PLCG2: variants seen among roughly 807,000 people sequenced by gnomAD.
PLCG2 encodes the protein phospholipase C gamma 2, also known as 1-phosphatidylinositol 4,5-bisphosphate phosphodiesterase gamma-2.
In PLCG2, 69 loss-of-function variants were observed where a neutral mutation model predicts 175.6. The observed-to-expected ratio is 0.39, with a 90% CI of 0.32 to 0.48. PLCG2 has a LOEUF of 0.48. Among genes scored for constraint, PLCG2 ranks in the 20% least tolerant of loss-of-function variants. PLCG2 has a pLI of 0.91. For missense variants in PLCG2, 1,798 were observed against 1,650.9 expected, an observed-to-expected ratio of 1.09 and a Z score of -1.54; for synonymous variants, 827 against 624.0, an observed-to-expected ratio of 1.33 and a Z score of -4.85.
rs143248102 is a variant in PLCG2, at chr16:81,905,612, T to TTAG, written c.1467+107_1467+109dup. On this transcript the variant is annotated intron_variant, in intron 15 of 32. Transcript: ENST00000564138. Reference sequence around the variant, plus strand: ...GAATACGCCTGTCTTGTTCCCATTTTTAGTCAAGTGAGTTTTTGCCATGTG... The same window carrying TTAG: ...GAATACGCCTGTCTTGTTCCCATTTTTAGTAGTCAAGTGAGTTTTTGCCATGTG... 2.2e-3 allele frequency: 1,567 copies of TTAG among 705,352 alleles called. 17 individuals carry two copies. The African/African-American group carries it at 0.025, about 11-fold the overall frequency. 43.7% of individuals were successfully genotyped at this position (705,352 alleles called of 1,614,324 possible).
At chr16:81,900,832 T>A (rs759105173) in intron 14 of PLCG2, 52 bp downstream of exon 14, 1 of 1,531,298 alleles carries the variant, frequency 6.5e-7, no homozygotes, top group Non-Finnish European at 8.9e-7. Context: ...AGTGGCTCGG[T>A]TCCCCGGCTC....
intron 2 of PLCG2, among the ~76,000 whole-genome samples, chr16:81,822,708 C>T (rs1262118298): frequency 7.5e-6 from 1 of 132,526 alleles, no homozygotes; most frequent in Non-Finnish European, 1.5e-5. Context: ...AGTGAGTGAA[C>T]CGAGTTCATG....
At chr16:81,869,322 G>C (rs763930840) in intron 6 of PLCG2, 24 bp downstream of exon 6, 1 of 1,506,302 alleles carries the variant, frequency 6.6e-7, no homozygotes, top group Admixed American at 1.7e-5. Flanking sequence ...CTCAGCCTGG[G>C]AATTTTATGA....
chr16:81,892,532 C>G (rs1908685017), intron 11 of PLCG2, among the ~76,000 whole-genome samples: 1 of 147,670 alleles, frequency 6.8e-6, no homozygotes, highest in Non-Finnish European at 1.5e-5. Context: ...GGTAAAATGT[C>G]TTTCAGGGGG....
chr16:81,855,663 C>T (rs1906647539), intron 3 of PLCG2, among the ~76,000 whole-genome samples: 1 of 152,074 alleles, frequency 6.6e-6, no homozygotes, highest in Admixed American at 6.6e-5. Context: ...TGGGATAAGA[C>T]CTAGTGCAAG....
rs1361528308 is a variant in PLCG2 at position 81,934,622 on chromosome 16, A to C, written c.2842+91A>C. ...TATTTTCAGAGGGGGCAGAGAGTGCATTCTCTCATTCTTAACTACTCCCAG... is the reference window on the plus strand; with the variant it reads ...TATTTTCAGAGGGGGCAGAGAGTGCCTTCTCTCATTCTTAACTACTCCCAG... On this transcript the variant is annotated intron_variant, in intron 26 of 32. Transcript: ENST00000564138. The C allele has an allele frequency of 3.8e-6, 3 of 792,346 alleles. No individual in the cohort carries two copies. The African/African-American group carries it at 5.1e-5, about 13-fold the overall frequency. The allele number at this position is 792,346 out of a possible 1,614,324, so 49.1% of individuals were successfully genotyped here. A position where few individuals can be genotyped will look rare whatever the true frequency, so the allele number is the denominator to read the frequency against.
intron 2 of PLCG2, among the ~76,000 whole-genome samples, chr16:81,789,579 A>G (rs1328541705): frequency 3.9e-5 from 6 of 152,168 alleles, no homozygotes; most frequent in Admixed American, 2.6e-4. Flanking sequence ...AGGAACTACC[A>G]TGCCCGGCCT....
chr16:81,950,659 G>GTCA (rs1407783549), intron 31 of PLCG2, among the ~76,000 whole-genome samples: 1 of 152,110 alleles, frequency 6.6e-6, no homozygotes, highest in Non-Finnish European at 1.5e-5. Context: ...GATTTCCTAA[G>GTCA]TCATTGGCTG....
At chr16:81,861,344 C>T (rs577142161) in intron 5 of PLCG2, among the ~76,000 whole-genome samples, 10 of 152,276 alleles carry the variant, frequency 6.6e-5, no homozygotes, top group African/African-American at 1.9e-4. Flanking sequence ...AAGGTGACTT[C>T]GTGTCTGGTC....
chr16:81,937,467 A>C (rs1910762796), intron 27 of PLCG2: 2 of 261,484 alleles, frequency 7.6e-6, no homozygotes, highest in Admixed American at 1.0e-4. Flanking sequence ...CATATTTGTC[A>C]TTTGAATTAA....
intron 2 of PLCG2, among the ~76,000 whole-genome samples, chr16:81,793,724 CTG>C (rs1479940370): frequency 6.6e-6 from 1 of 152,172 alleles, no homozygotes; most frequent in Non-Finnish European, 1.5e-5. Context: ...TGAATGCTCA[CTG>C]TGTCCTAGTC....
At chr16:81,859,232 A>AG in intron 5 of PLCG2, 69 bp downstream of exon 5, 1 of 1,002,540 alleles carries the variant, frequency 1.0e-6, no homozygotes, top group South Asian at 1.3e-5. Context: ...AAACCTTCCA[A>AG]GGGGGTGGGA....
chr16:81,828,644 G>A (rs1311171874), intron 2 of PLCG2, among the ~76,000 whole-genome samples: 3 of 152,102 alleles, frequency 2.0e-5, no homozygotes, highest in African/African-American at 7.2e-5. Flanking sequence ...AGGGTCTTGA[G>A]AAAAGGTTGC....
At chr16:81,756,636 G>A (rs988366842) in intron 2 of PLCG2, among the ~76,000 whole-genome samples, 5 of 152,212 alleles carry the variant, frequency 3.3e-5, no homozygotes, top group African/African-American at 1.2e-4. Context: ...AGAGGTACCA[G>A]GTCCCAAGTG....
chr16:81,814,096 A>G (rs1904434206), intron 2 of PLCG2, among the ~76,000 whole-genome samples: 1 of 152,024 alleles, frequency 6.6e-6, no homozygotes, highest in Non-Finnish European at 1.5e-5. Context: ...ATAAGGAGAG[A>G]GGATAAGGGG....
chr16:81,882,175 G>A (rs1908115147), intron 8 of PLCG2, among the ~76,000 whole-genome samples: 1 of 152,164 alleles, frequency 6.6e-6, no homozygotes, highest in Admixed American at 6.5e-5. Context: ...ATTACCCTGG[G>A]AAGCCCCGTG....
chr16:81,797,923 C>T (rs140284969), intron 2 of PLCG2, among the ~76,000 whole-genome samples: 13 of 152,126 alleles, frequency 8.5e-5, no homozygotes, highest in Middle Eastern at 6.8e-3. Context: ...CTCTGCCTCC[C>T]GGGTTCAAGC....
chr16:81,885,304 G>A (rs747682166), intron 9 of PLCG2, among the ~76,000 whole-genome samples: 15 of 149,818 alleles, frequency 1.0e-4, no homozygotes, highest in Non-Finnish European at 2.1e-4. Context: ...GATTACAGGT[G>A]TGAGCCACCA....
chr16:81,893,647 G>A, intron 11 of PLCG2, 62 bp from the exon 12 acceptor site: 2 of 986,270 alleles, frequency 2.0e-6, no homozygotes, highest in Non-Finnish European at 3.3e-6. Flanking sequence ...CTGAGGTGCA[G>A]GCTTGCCCCC....
Sources: gnomAD v4.1 joint callset for allele counts (sites outside exome capture counted in the v4.1 genomes callset) on GRCh38, gnomAD v4.1.1 for gene constraint, MANE v1.5 for transcripts, NCBI Gene and HGNC (gene_info 2026-07-23, HGNC 2026-07-21) for gene names.